Variants in SESN3 observed in about 807,000 individuals in gnomAD.
SESN3 encodes sestrin 3, also known as sestrin-3.
A neutral mutation model predicts 55.3 loss-of-function variants in SESN3; 21 were observed. That is an observed-to-expected ratio of 0.38 (90% CI 0.27 to 0.55). SESN3 has a LOEUF of 0.55. SESN3 is among the 20% of genes least tolerant of loss of function. The pLI is 0.76. For synonymous variants in SESN3, 181 were observed against 203.1 expected (o/e 0.89, Z 0.93); for missense variants, 408 against 604.3 (o/e 0.68, Z 3.41).
At chr11:95,218,791 C>T (rs899186331) in intron 1 of SESN3, among the ~76,000 whole-genome samples, 3 of 152,050 alleles carry the variant, frequency 2.0e-5, no homozygotes, top group Non-Finnish European at 4.4e-5. Flanking sequence ...GCTGGGACTA[C>T]AGGCGCCCAC....
chr11:95,193,356 G>A (rs1860302569), intron 2 of SESN3, 101 bp downstream of exon 2: 1 of 730,558 alleles, frequency 1.4e-6, no homozygotes, highest in Non-Finnish European at 2.3e-6. Flanking sequence ...AAACTCAAAA[G>A]CAAAATTCAT....
At chr11:95,182,531 G>A (rs935705435) in intron 6 of SESN3, among the ~76,000 whole-genome samples, 13 of 152,156 alleles carry the variant, frequency 8.5e-5, no homozygotes, top group Non-Finnish European at 1.9e-4. Context: ...AGGCTTGATA[G>A]AAATGTGGCC....
intron 6 of SESN3, 40 bp from the exon 7 acceptor site, chr11:95,178,868 T>C: frequency 8.5e-7 from 1 of 1,174,430 alleles, no homozygotes; most frequent in South Asian, 1.3e-5. Context: ...AAGGATACTG[T>C]ACGTGGTTAT....
intron 1 of SESN3, among the ~76,000 whole-genome samples, chr11:95,201,760 C>G (rs1482295581): frequency 6.6e-6 from 1 of 152,104 alleles, no homozygotes; most frequent in Non-Finnish European, 1.5e-5. Flanking sequence ...AAATCACATT[C>G]ATGTCCAGTG....
At chr11:95,198,877 G>C (rs1283179099) in intron 1 of SESN3, among the ~76,000 whole-genome samples, 1 of 151,908 alleles carries the variant, frequency 6.6e-6, no homozygotes, top group Non-Finnish European at 1.5e-5. Flanking sequence ...ATAATGCAAA[G>C]ATATAAAATG....
At chr11:95,210,233 T>A (rs1023145024) in intron 1 of SESN3, among the ~76,000 whole-genome samples, 1 of 151,914 alleles carries the variant, frequency 6.6e-6, no homozygotes, top group African/African-American at 2.4e-5. Flanking sequence ...AGGGGAGGGA[T>A]AGCATTAGGA....
At chr11:95,225,766 A>C (rs151180616) in intron 1 of SESN3, among the ~76,000 whole-genome samples, 10 of 152,262 alleles carry the variant, frequency 6.6e-5, no homozygotes, top group Admixed American at 6.5e-4. Flanking sequence ...GATGGGGAGA[A>C]AAGGTTAAAA....
At chr11:95,229,331 A>T (rs1239814828) in intron 1 of SESN3, among the ~76,000 whole-genome samples, 1 of 152,260 alleles carries the variant, frequency 6.6e-6, no homozygotes, top group African/African-American at 2.4e-5. Context: ...GAGCTGAGCA[A>T]GTATCAACTG....
In SESN3 at chr11:95,180,464, ATT is replaced by A. The variant is rs1012470814; in HGVS notation, c.938-1638_938-1637del. Among the ~76,000 whole-genome samples, 198 of 152,268 alleles carry A rather than the reference ATT, an allele frequency of 1.3e-3. 3 individuals are homozygous for A. The highest frequency in any genetic ancestry group is 1.8e-4 in the Non-Finnish European group (12 of 67,986). ...AAAGATTAAGTGCTCCGGTTACCCA[ATT>A]TCAGATAAATCTTATTAAAATTCTT... On this transcript the variant is annotated intron_variant, in intron 6 of 9. Transcript: ENST00000536441.
At chr11:95,181,579 T>C (rs189476882) in intron 6 of SESN3, among the ~76,000 whole-genome samples, 99 of 152,204 alleles carry the variant, frequency 6.5e-4, no homozygotes, top group African/African-American at 2.4e-3. Context: ...ACTGACATAA[T>C]ACGGGAAACA....
intron 1 of SESN3, among the ~76,000 whole-genome samples, chr11:95,223,676 T>C (rs1258373386): frequency 6.6e-6 from 1 of 152,214 alleles, no homozygotes; most frequent in Non-Finnish European, 1.5e-5. Flanking sequence ...GAGTTGACTT[T>C]ATCAATATTT....
chr11:95,192,464 G>A (rs1243478616), intron 2 of SESN3, among the ~76,000 whole-genome samples: 1 of 152,010 alleles, frequency 6.6e-6, no homozygotes, highest in African/African-American at 2.4e-5. Flanking sequence ...TTATTTTAGA[G>A]ATAAGGAAAC....
At chr11:95,227,614 A>T (rs1292101649) in intron 1 of SESN3, among the ~76,000 whole-genome samples, 2 of 152,222 alleles carry the variant, frequency 1.3e-5, no homozygotes, top group Non-Finnish European at 2.9e-5. Flanking sequence ...CAATACAAAG[A>T]TATATCACTA....
chr11:95,191,651 C>T, intron 2 of SESN3, 50 bp from the exon 3 acceptor site: 1 of 1,422,216 alleles, frequency 7.0e-7, no homozygotes, highest in Non-Finnish European at 9.8e-7. Flanking sequence ...CATAAACACA[C>T]CCTTGGTTTA....
At chr11:95,189,232 A>G (rs1285109361) in intron 4 of SESN3, among the ~76,000 whole-genome samples, 1 of 151,874 alleles carries the variant, frequency 6.6e-6, no homozygotes, top group African/African-American at 2.4e-5. Context: ...TCAGAAATAC[A>G]AGTGCTCTTA....
chr11:95,189,620 G>C (rs558292478), intron 4 of SESN3, among the ~76,000 whole-genome samples, 159 bp downstream of exon 4: 72 of 151,980 alleles, frequency 4.7e-4, no homozygotes, highest in Non-Finnish European at 8.7e-4. Context: ...ACTTAAAGAG[G>C]AGAAGTATTC....
chr11:95,220,023 C>T (rs190351500), intron 1 of SESN3, among the ~76,000 whole-genome samples: 1 of 152,084 alleles, frequency 6.6e-6, no homozygotes, highest in Non-Finnish European at 1.5e-5. Context: ...ATAGCAGAAC[C>T]ACATCTCGCC....
rs1414922061 is a variant in SESN3 at position 95,214,054 on chromosome 11, A to C, written c.78+16729T>G. Among the ~76,000 whole-genome samples, 3 of 152,168 alleles carry C rather than the reference A, an allele frequency of 2.0e-5. No homozygotes were observed. In the East Asian group the frequency reaches 5.8e-4, roughly 29 times the overall value. On this transcript the variant is annotated intron_variant, in intron 1 of 9. Coordinates refer to ENST00000536441, the MANE Select transcript of SESN3 (RefSeq NM_144665.4). ...TTTTAGACCATGAAAATGCTTTTTA[A>C]ATTTTCTTTTTTCATGAGATTCAAA...
intron 1 of SESN3, among the ~76,000 whole-genome samples, chr11:95,227,800 CAT>C (rs1014065301): frequency 6.6e-6 from 1 of 152,150 alleles, no homozygotes; most frequent in Non-Finnish European, 1.5e-5. Context: ...CAGTTTGACA[CAT>C]GACTTTTCAA....
Sources: gnomAD v4.1 joint callset for allele counts (sites outside exome capture counted in the v4.1 genomes callset) on GRCh38, gnomAD v4.1.1 for gene constraint, MANE v1.5 for transcripts, NCBI Gene and HGNC (gene_info 2026-07-23, HGNC 2026-07-21) for gene names.